The following MACROD2 variants were observed in gnomAD, a reference collection of about 807,000 sequenced individuals.
The protein encoded by MACROD2 is mono-ADP ribosylhydrolase 2.
In MACROD2, 36 loss-of-function variants were observed where a neutral mutation model predicts 70.4. The observed-to-expected ratio is 0.51, with a 90% CI of 0.39 to 0.68. The LOEUF is 0.68. Ranked by LOEUF, MACROD2 falls within the 30% of genes least tolerant of loss-of-function variation. The pLI, the probability that MACROD2 is intolerant of heterozygous loss-of-function variation, is 0.00. For missense variants in MACROD2, 496 were observed against 538.4 expected (o/e 0.92, Z 0.78); for synonymous variants, 172 against 178.8 (o/e 0.96, Z 0.30).
intron 5 of MACROD2, among the ~76,000 whole-genome samples, chr20:14,873,075 A>G (rs765225256): frequency 2.7e-4 from 41 of 152,164 alleles, no homozygotes; most frequent in Admixed American, 4.6e-4. Context: ...TTACAATTCA[A>G]GATGAGATTT....
chr20:15,719,846 C>A (rs1254947766), intron 8 of MACROD2, among the ~76,000 whole-genome samples: 1 of 152,056 alleles, frequency 6.6e-6, no homozygotes, highest in Non-Finnish European at 1.5e-5. Flanking sequence ...TATGCAATAT[C>A]TTTTTAATTA....
intron 6 of MACROD2, among the ~76,000 whole-genome samples, chr20:15,351,547 C>A (rs2078226874): frequency 6.6e-6 from 1 of 152,154 alleles, no homozygotes; most frequent in Admixed American, 6.6e-5. Flanking sequence ...TCCCAGGCTC[C>A]TCCCTATGCA....
At chr20:14,734,608 C>T in intron 5 of MACROD2, among the ~76,000 whole-genome samples, 1 of 149,102 alleles carries the variant, frequency 6.7e-6, no homozygotes, top group Admixed American at 6.7e-5. Context: ...GTTATGTCTT[C>T]ATCCAAAAAA....
intron 5 of MACROD2, among the ~76,000 whole-genome samples, chr20:15,120,933 T>C (rs2076025560): frequency 6.6e-6 from 1 of 152,186 alleles, no homozygotes; most frequent in Non-Finnish European, 1.5e-5. Context: ...TGTCAACCAT[T>C]AACACCATAC....
chr20:14,237,066 T>C (rs13038757), intron 3 of MACROD2, among the ~76,000 whole-genome samples: 1 of 152,154 alleles, frequency 6.6e-6, no homozygotes, highest in African/African-American at 2.4e-5. Flanking sequence ...TGCTGGATGG[T>C]TAGTCTTCTT....
intron 6 of MACROD2, among the ~76,000 whole-genome samples, chr20:15,239,597 C>A (rs956400073): frequency 6.6e-6 from 1 of 152,114 alleles, no homozygotes; most frequent in African/African-American, 2.4e-5. Context: ...ATACGAGTAA[C>A]TTTAGTGCAG....
intron 5 of MACROD2, among the ~76,000 whole-genome samples, chr20:15,213,269 G>A (rs78632933): frequency 0.077 from 11,671 of 152,154 alleles, 577 homozygotes; most frequent in Admixed American, 0.11. Flanking sequence ...AGCAACCCAC[G>A]TCCTTACTTG....
At chr20:14,352,384 C>T (rs2083131403) in intron 3 of MACROD2, 1 of 151,990 alleles carries the variant, frequency 6.6e-6, no homozygotes, top group Non-Finnish European at 1.5e-5. Context: ...ATGGCCCCTG[C>T]ACAAGGATGA....
intron 3 of MACROD2, among the ~76,000 whole-genome samples, chr20:14,087,042 C>T (rs910613966): frequency 2.6e-5 from 4 of 152,152 alleles, no homozygotes; most frequent in African/African-American, 9.7e-5. Context: ...TATTGTACAG[C>T]TCTGGCAATT....
chr20:14,740,209 A>T (rs2071716858), intron 5 of MACROD2, among the ~76,000 whole-genome samples: 1 of 152,116 alleles, frequency 6.6e-6, no homozygotes, highest in South Asian at 2.1e-4. Flanking sequence ...AGTCTCTTAA[A>T]TTTCTTAAAA....
At chr20:14,459,681 A>G (rs2084345733) in intron 3 of MACROD2, among the ~76,000 whole-genome samples, 1 of 152,034 alleles carries the variant, frequency 6.6e-6, no homozygotes, top group Admixed American at 6.5e-5. Flanking sequence ...ATAAATAATG[A>G]GCACAAAATA....
At chr20:14,954,598 A>C (rs1158851952) in intron 5 of MACROD2, among the ~76,000 whole-genome samples, 9 of 133,968 alleles carry the variant, frequency 6.7e-5, no homozygotes, top group African/African-American at 2.2e-4. Flanking sequence ...TATATATAAT[A>C]ATTATATAGT....
At chr20:14,552,808 G>T (rs1452977050) in intron 4 of MACROD2, among the ~76,000 whole-genome samples, 1 of 152,064 alleles carries the variant, frequency 6.6e-6, no homozygotes, top group Non-Finnish European at 1.5e-5. Flanking sequence ...AAAAGATTAA[G>T]AAATGGTAAT....
chr20:15,882,607 G>C (rs2064769630), intron 9 of MACROD2, among the ~76,000 whole-genome samples: 1 of 152,040 alleles, frequency 6.6e-6, no homozygotes, highest in Admixed American at 6.6e-5. Flanking sequence ...AAGGGATTGA[G>C]AGACGGTAGT....
At chr20:14,986,244 G>A (rs2074847702) in intron 5 of MACROD2, among the ~76,000 whole-genome samples, 1 of 152,164 alleles carries the variant, frequency 6.6e-6, no homozygotes, top group Admixed American at 6.5e-5. Flanking sequence ...AAATAAGGGA[G>A]TGACTGCAAT....
intron 5 of MACROD2, among the ~76,000 whole-genome samples, chr20:14,766,925 G>A (rs1259345739): frequency 6.6e-6 from 1 of 152,122 alleles, no homozygotes; most frequent in Non-Finnish European, 1.5e-5. Context: ...GACTATAAAT[G>A]ATACTTAAAT....
At chr20:16,007,400 C>T (rs988749553) in intron 15 of MACROD2, among the ~76,000 whole-genome samples, 7 of 152,162 alleles carry the variant, frequency 4.6e-5, no homozygotes, top group African/African-American at 9.7e-5. Flanking sequence ...GCTGACAACA[C>T]CTTCACTTTA....
intron 10 of MACROD2, among the ~76,000 whole-genome samples, chr20:15,923,707 C>T (rs1195600493): frequency 6.6e-6 from 1 of 152,210 alleles, no homozygotes; most frequent in East Asian, 1.9e-4. Flanking sequence ...TTCCAAGTTA[C>T]TCCTTTAGAA....
chr20:14,804,261 A>G (rs2072612705), intron 5 of MACROD2, among the ~76,000 whole-genome samples: 1 of 151,920 alleles, frequency 6.6e-6, no homozygotes. Context: ...CTGTTTTTAG[A>G]TAATTGTTTC....
Sources: allele counts gnomAD v4.1 joint callset (sites outside exome capture counted in the v4.1 genomes callset), GRCh38; gene constraint gnomAD v4.1.1; transcripts MANE v1.5; gene names NCBI Gene and HGNC (gene_info 2026-07-23, HGNC 2026-07-21).